The following CACNG3 variants were observed in gnomAD, a reference collection of about 807,000 sequenced individuals.
CACNG3 encodes the protein calcium voltage-gated channel auxiliary subunit gamma 3, also known as voltage-dependent calcium channel gamma-3 subunit.
CACNG3 carries 3 observed loss-of-function variants against 28.5 expected under a neutral mutation model. That is an observed-to-expected ratio of 0.11 (90% CI 0.05 to 0.27). CACNG3 has a LOEUF of 0.27. Ranked by LOEUF, CACNG3 falls within the 10% of genes least tolerant of loss-of-function variation. The pLI, the probability that CACNG3 is intolerant of heterozygous loss-of-function variation, is 1.00. For missense variants in CACNG3, 236 were observed against 414.4 expected (o/e 0.57, Z 3.74); for synonymous variants, 174 against 162.2 (o/e 1.07, Z -0.55).
In CACNG3 at chr16:24,354,905, C is replaced by T. The variant is rs529886705; in HGVS notation, c.368C>T (p.Ala123Val). Residue 123 changes from alanine to valine, a missense_variant, in exon 3 of 4, where the codon GCA becomes GTA. Ala to Val is a moderately conservative substitution (Grantham distance 64, BLOSUM62 0). Around this residue, in one of 2 missense-constraint regions of CACNG3, gnomAD observed 120 missense variants for 263.4 expected, o/e 0.46. Transcript: ENST00000005284. The stretch of plus-strand genomic sequence containing the variant: ...CTGTTCTTCGGCGGGCTCTGCGTGG[C>T]AGCCAGTGAGTTCCACCGCAGCAGA... Reference protein sequence around the residue: ...TLLFFGGLCVAASEFHRSRHN... With the variant: ...TLLFFGGLCVVASEFHRSRHN... 1 of 1,612,452 alleles carries T rather than the reference C, an allele frequency of 6.2e-7. No homozygotes were observed.
rs187590209 is a variant in CACNG3 at position 24,309,732 on chromosome 16, C to A, written c.212-37002C>A. Among the ~76,000 whole-genome samples, 3 of 152,166 alleles carry A rather than the reference C, an allele frequency of 2.0e-5. No individual in the cohort carries two copies. The East Asian group carries it at 5.8e-4, about 29-fold the overall frequency. On this transcript the variant is annotated intron_variant, in intron 1 of 3. Transcript: ENST00000005284. The stretch of plus-strand genomic sequence containing the variant: ...TCCTGCCATGGGACGGCAGAGAGGG[C>A]CTCTCTGAAGAGGTGACATTTTGAA...
chr16:24,290,803 C>A (rs1188503854), intron 1 of CACNG3, among the ~76,000 whole-genome samples: 2 of 152,078 alleles, frequency 1.3e-5, no homozygotes, highest in African/African-American at 4.8e-5. Context: ...GGCCTACGTA[C>A]TTAACAAGTG....
chr16:24,302,149 C>T (rs1339928766), intron 1 of CACNG3, among the ~76,000 whole-genome samples: 1 of 152,220 alleles, frequency 6.6e-6, no homozygotes, highest in African/African-American at 2.4e-5. Flanking sequence ...TTCCTCATCA[C>T]TTGTCATCCG....
intron 1 of CACNG3, among the ~76,000 whole-genome samples, chr16:24,317,555 AAAG>A (rs1333092810): frequency 2.4e-4 from 3 of 12,498 alleles, no homozygotes; most frequent in African/African-American, 8.0e-4. Flanking sequence ...AAAAAAAGAA[AAAG>A]AAAGAAAGAA....
intron 1 of CACNG3, among the ~76,000 whole-genome samples, chr16:24,327,422 ATGTGTG>A (rs376287990): frequency 9.8e-6 from 1 of 101,718 alleles, no homozygotes; most frequent in African/African-American, 3.9e-5. Flanking sequence ...GAATATATAT[ATGTGTG>A]TGTGTGTGTG....
chr16:24,285,579 C>G (rs879580408), intron 1 of CACNG3, among the ~76,000 whole-genome samples: 6 of 152,068 alleles, frequency 3.9e-5, no homozygotes, highest in African/African-American at 1.2e-4. Flanking sequence ...CACCTCTAGT[C>G]CCAGCTATTT....
rs779145467 is a variant in CACNG3 at position 24,361,860 on chromosome 16, C to T, written c.945C>T (p.Val315=). The change falls in exon 4 of 4, where the codon GTC becomes GTT. Residue 315 remains valine (V), a synonymous_variant. Transcript: ENST00000005284. The surrounding 1 kb of genome is among the most constrained non-coding windows in gnomAD (Gnocchi z 6.8). ...CGGCCAACAGGCGCACCACGCCCGTCTGAACTGACCTCTGACCTCTGCCCC... is the reference window on the plus strand; with the variant it reads ...CGGCCAACAGGCGCACCACGCCCGTTTGAACTGACCTCTGACCTCTGCCCC... ...NNPANRRTTP[V] The T allele has an allele frequency of 6.2e-7, 1 of 1,601,134 alleles. No individual in the cohort carries two copies. The highest frequency in any genetic ancestry group is 8.5e-7 in the Non-Finnish European group (1 of 1,176,606).
intron 1 of CACNG3, among the ~76,000 whole-genome samples, chr16:24,276,967 A>T (rs1898760848): frequency 6.6e-6 from 1 of 152,212 alleles, no homozygotes; most frequent in South Asian, 2.1e-4. Context: ...GTGGGTGAGG[A>T]TGGAGAATTT....
intron 1 of CACNG3, among the ~76,000 whole-genome samples, chr16:24,269,831 A>G (rs1447144660): frequency 3.3e-5 from 5 of 150,880 alleles, no homozygotes; most frequent in Admixed American, 6.6e-5. Flanking sequence ...AAAGAAAGAC[A>G]AAAGAAAATC....
At chr16:24,314,232 A>G (rs973924123) in intron 1 of CACNG3, among the ~76,000 whole-genome samples, 2 of 152,162 alleles carry the variant, frequency 1.3e-5, no homozygotes, top group African/African-American at 4.8e-5. Flanking sequence ...CGAAATGAAA[A>G]TGGGGAGCCT....
intron 1 of CACNG3, among the ~76,000 whole-genome samples, chr16:24,285,843 TTC>T (rs1206064127): frequency 8.5e-6 from 1 of 118,086 alleles, no homozygotes; most frequent in African/African-American, 3.4e-5. Flanking sequence ...TTTCTTTCTT[TTC>T]TTTTTTTTTT....
intron 1 of CACNG3, among the ~76,000 whole-genome samples, chr16:24,285,931 C>T (rs1229267251): frequency 6.6e-6 from 1 of 151,456 alleles, no homozygotes; most frequent in African/African-American, 2.4e-5. Flanking sequence ...GCCACCTCCA[C>T]CCACTAGGCT....
chr16:24,321,150 C>T (rs1293671743), intron 1 of CACNG3, among the ~76,000 whole-genome samples: 1 of 152,200 alleles, frequency 6.6e-6, no homozygotes, highest in Non-Finnish European at 1.5e-5. Flanking sequence ...ATGCTAACCA[C>T]CTGTTAGTCA....
intron 1 of CACNG3, among the ~76,000 whole-genome samples, chr16:24,328,041 C>T (rs1244926407): frequency 6.6e-6 from 1 of 152,114 alleles, no homozygotes; most frequent in Non-Finnish European, 1.5e-5. Flanking sequence ...TACTATGTGC[C>T]AGGTCCTGGG....
chr16:24,360,877 T>C (rs1009315088), intron 3 of CACNG3, among the ~76,000 whole-genome samples: 1 of 152,180 alleles, frequency 6.6e-6, no homozygotes, highest in Non-Finnish European at 1.5e-5. Context: ...TTCTTAGTCT[T>C]TCTCTCTCCT....
chr16:24,308,224 C>T (rs1899211989), intron 1 of CACNG3, among the ~76,000 whole-genome samples: 1 of 152,172 alleles, frequency 6.6e-6, no homozygotes, highest in African/African-American at 2.4e-5. Context: ...AATGACCGCA[C>T]TTGGTGGGTC....
At chr16:24,321,628 G>T (rs1375666354) in intron 1 of CACNG3, among the ~76,000 whole-genome samples, 1 of 152,222 alleles carries the variant, frequency 6.6e-6, no homozygotes, top group East Asian at 1.9e-4. Flanking sequence ...GCTGTCAAGC[G>T]CTTCCTTTAA....
At position 24,301,773 on chromosome 16, in the gene CACNG3, C is replaced by T. The variant is rs111293586; in HGVS notation, c.211+44808C>T. Among the ~76,000 whole-genome samples the T allele has an allele frequency of 4.8e-3, 732 of 152,308 alleles. 4 individuals carry two copies. Among genetic ancestry groups the T allele is most frequent in the African/African-American group, 0.016 (661 of 41,574 alleles). ...CTTCATCTTCGCATGCAGCATTCAT[C>T]TCTCACCCAAGAGAGCACTATTCTA... On this transcript the variant is annotated intron_variant, in intron 1 of 3. Coordinates refer to ENST00000005284, the MANE Select transcript of CACNG3 (RefSeq NM_006539.4).
At chr16:24,304,904 C>T (rs572050035) in intron 1 of CACNG3, among the ~76,000 whole-genome samples, 23 of 152,292 alleles carry the variant, frequency 1.5e-4, no homozygotes, top group Admixed American at 1.1e-3. Context: ...CTCTGTGACC[C>T]AGTAACTGGA....
Sources: allele counts gnomAD v4.1 joint callset (sites outside exome capture counted in the v4.1 genomes callset), GRCh38; gene constraint gnomAD v4.1.1; regional missense constraint gnomAD v4.1.1; non-coding constraint Gnocchi (gnomAD v3.1); transcripts MANE v1.5; gene names NCBI Gene and HGNC (gene_info 2026-07-23, HGNC 2026-07-21).